Variants in CCDC187 observed in about 807,000 individuals in gnomAD.
CCDC187 encodes the protein coiled-coil domain-containing protein 187.
In CCDC187, 32 loss-of-function variants were observed where a neutral mutation model predicts 38.0. The ratio of observed to expected loss-of-function variants is 0.84; its 90% CI spans 0.64 to 1.13. The LOEUF is 1.13. Among genes scored for constraint, CCDC187 ranks in the 50% most tolerant of loss-of-function variants. CCDC187 has a pLI of 0.00. For missense variants in CCDC187, 707 were observed against 786.8 expected (o/e 0.90, Z 1.21); for synonymous variants, 333 against 347.9 (o/e 0.96, Z 0.48).
chr9:136,264,710 C>T lies in CCDC187; in HGVS notation c.3736-912G>A, dbSNP rs1369604722. On this transcript the variant is annotated intron_variant, in intron 17 of 25. Transcript: ENST00000638797. This position sits in a 1 kb window ranked among gnomAD's most constrained non-coding sequence, Gnocchi z 4.3. ...GTCAACATAAGGTCCTGCACTGACCCCATTTCCCAGCAGAGGGTCGTGGGC... is the reference window on the plus strand; with the variant it reads ...GTCAACATAAGGTCCTGCACTGACCTCATTTCCCAGCAGAGGGTCGTGGGC... Among the ~76,000 whole-genome samples, 6 of 151,936 alleles carry T rather than the reference C, an allele frequency of 3.9e-5. No homozygotes were observed. Among genetic ancestry groups the T allele is most frequent in the African/African-American group, 1.2e-4 (5 of 41,382 alleles).
intron 14 of CCDC187, among the ~76,000 whole-genome samples, chr9:136,270,467 G>A (rs977735056): frequency 1.3e-5 from 2 of 152,214 alleles, no homozygotes; most frequent in Non-Finnish European, 2.9e-5. Context: ...GTTTTCTTCT[G>A]TGTACTATAA....
At chr9:136,275,532 C>T (rs1445785518) in intron 12 of CCDC187, among the ~76,000 whole-genome samples, 2 of 152,130 alleles carry the variant, frequency 1.3e-5, no homozygotes, top group African/African-American at 4.8e-5. Flanking sequence ...TGGAGATGCC[C>T]CCCAACATGT....
Position 136,295,447 on chromosome 9 carries a change from A to C in CCDC187, c.832+2267T>G, listed in dbSNP as rs1477905785. The stretch of plus-strand genomic sequence containing the variant: ...GATTTTTAATCTGTGGAAATGGATG[A>C]AGTCCCCAAGTGCCCTGTCAAAGTT... On this transcript the variant is annotated intron_variant, in intron 4 of 25. Transcript: ENST00000638797. Among the ~76,000 whole-genome samples, 3 of 152,362 alleles carry C rather than the reference A, an allele frequency of 2.0e-5. No individual in the cohort carries two copies. In the East Asian group the frequency reaches 5.8e-4, roughly 29 times the overall value.
Position 136,285,497 on chromosome 9 carries a change from GGGCAGGT to G in CCDC187, c.2927+9_2927+15del. 6.2e-6 allele frequency: 1 copy of G among 161,584 alleles called. No homozygotes were observed. Among genetic ancestry groups the G allele is most frequent in the Non-Finnish European group, 1.1e-5 (1 of 89,286 alleles). The allele number at this position is 161,584 out of a possible 1,614,324, so 10.0% of individuals were successfully genotyped here. ...TGGGCAGGTGGGCAGGTGGGCAGGT[GGGCAGGT>G]GGTCTTACCTCCCCGCAGAGGGGCT... On this transcript the variant is annotated intron_variant, in intron 9 of 25. Coordinates refer to ENST00000638797, the MANE Select transcript of CCDC187 (RefSeq NM_001378188.1).
At chr9:136,271,606 C>CTTT (rs1272090795) in intron 14 of CCDC187, among the ~76,000 whole-genome samples, 5 of 131,176 alleles carry the variant, frequency 3.8e-5, no homozygotes, top group Non-Finnish European at 6.5e-5. Context: ...AAGAGAAAGT[C>CTTT]TTTTTTTTTT....
chr9:136,293,763 GAC>G (rs1185163040), intron 4 of CCDC187, among the ~76,000 whole-genome samples: 3 of 144,918 alleles, frequency 2.1e-5, no homozygotes, highest in Non-Finnish European at 3.0e-5. Flanking sequence ...TGTACACACT[GAC>G]ATGCTCACAC....
chr9:136,305,847 C>A (rs1831794641), upstream of CCDC187, among the ~76,000 whole-genome samples: 2 of 152,372 alleles, frequency 1.3e-5, no homozygotes, highest in South Asian at 4.1e-4. Flanking sequence ...TTCTCCTCCC[C>A]ACCTGCCCTG....
intron 9 of CCDC187, among the ~76,000 whole-genome samples, chr9:136,281,940 G>A (rs1184983484): frequency 2.6e-5 from 4 of 152,192 alleles, no homozygotes; most frequent in Middle Eastern, 3.2e-3. Context: ...GGCGTGGGCT[G>A]AGGTGAAGCC....
At chr9:136,263,464 GACCTCGTGATCC>G (rs1319005292) in intron 18 of CCDC187, among the ~76,000 whole-genome samples, 146 bp downstream of exon 18, 4 of 152,110 alleles carry the variant, frequency 2.6e-5, no homozygotes, top group Non-Finnish European at 5.9e-5. Context: ...TCCATCTCCT[GACCTCGTGATCC>G]ACCCGCCTCG....
At chr9:136,255,817 A>G in intron 24 of CCDC187, 84 bp from the exon 25 acceptor site, 1 of 665,126 alleles carries the variant, frequency 1.5e-6, no homozygotes, top group Non-Finnish European at 1.9e-6. Flanking sequence ...GGACCCCACC[A>G]GGCTCAGTCC....
chr9:136,293,111 TCA>T (rs1831376892), intron 4 of CCDC187, among the ~76,000 whole-genome samples: 2 of 145,024 alleles, frequency 1.4e-5, no homozygotes, highest in African/African-American at 5.6e-5. Flanking sequence ...CTCACATTGC[TCA>T]CACACTCACA....
At chr9:136,281,415 GA>G in intron 10 of CCDC187, 135 bp downstream of exon 10, 1 of 398,546 alleles carries the variant, frequency 2.5e-6, no homozygotes, top group Non-Finnish European at 4.4e-6. Flanking sequence ...ACGAGGCGTG[GA>G]TGCTCTCCAC....
chr9:136,260,228 C>T lies in CCDC187; in HGVS notation c.4101G>A (p.Gln1367=). Reference sequence around the variant, plus strand: ...GGTGACCATCTGCATCGGAGGTTGTCTGGGGTGGCGTCACATCCTGCTGCT... The same window carrying T: ...GGTGACCATCTGCATCGGAGGTTGTTTGGGGTGGCGTCACATCCTGCTGCT... The part of the protein sequence containing the change: ...PTEQQDVTPP[Q]TTSDADGHQQ... The change falls in exon 20 of 26, where the codon CAG becomes CAA. Residue 1367 remains glutamine (Q), a synonymous_variant. Transcript: ENST00000638797. 1 of 985,510 alleles carries T rather than the reference C, an allele frequency of 1.0e-6. No homozygotes were observed. Among genetic ancestry groups the T allele is most frequent in the Non-Finnish European group, 1.2e-6 (1 of 830,136 alleles). 61.0% of individuals were successfully genotyped at this position (985,510 alleles called of 1,614,324 possible). A position where few individuals can be genotyped will look rare whatever the true frequency, so the allele number is the denominator to read the frequency against.
At position 136,286,712 on chromosome 9, in the gene CCDC187, G is replaced by A. The variant is rs1486034702; in HGVS notation, c.2223-17C>T. The A allele has an allele frequency of 3.5e-5, 14 of 398,678 alleles. No individual in the cohort carries two copies. Among genetic ancestry groups the A allele is most frequent in the Admixed American group, 8.8e-5 (2 of 22,726 alleles). The allele number at this position is 398,678 out of a possible 1,614,324, so 24.7% of individuals were successfully genotyped here. On this transcript the variant is annotated splice_polypyrimidine_tract_variant and intron_variant, in intron 7 of 25. Coordinates refer to ENST00000638797, the MANE Select transcript of CCDC187 (RefSeq NM_001378188.1). ...AGGCAGAAGCTGCAGGAAGAGAGAC[G>A]TGGACAGATCAGCTCAGGCTCGGTC...
chr9:136,305,326 G>A (rs1044676485), upstream of CCDC187, among the ~76,000 whole-genome samples: 1 of 152,180 alleles, frequency 6.6e-6, no homozygotes, highest in East Asian at 1.9e-4. Context: ...GGGAACCAGC[G>A]GTGTGACCAC....
rs909327206 is a variant in CCDC187 at position 136,260,165 on chromosome 9, G to A, written c.4164C>T (p.His1388=). 1.9e-5 allele frequency: 19 copies of A among 985,392 alleles called. No homozygotes were observed. The highest frequency in any genetic ancestry group is 5.2e-4 in the Middle Eastern group (1 of 1,916). The allele number at this position is 985,392 out of a possible 1,614,324, so 61.0% of individuals were successfully genotyped here. ...PPRPAWGEDT[H]DPQGPLVESG... is the part of the protein sequence containing the mutation. Reference sequence around the variant, plus strand: ...TCTCCACCAGCGGGCCCTGGGGGTCGTGTGTGTCCTCGCCCCATGCTGGCC... The same window carrying A: ...TCTCCACCAGCGGGCCCTGGGGGTCATGTGTGTCCTCGCCCCATGCTGGCC... The change falls in exon 20 of 26, where the codon CAC becomes CAT. Residue 1388 remains histidine, a synonymous_variant. Transcript: ENST00000638797.
At chr9:136,265,275 A>C (rs1013452272) in intron 17 of CCDC187, among the ~76,000 whole-genome samples, 14 of 151,390 alleles carry the variant, frequency 9.2e-5, no homozygotes, top group South Asian at 2.1e-4. Context: ...TCCCCCCTCC[A>C]CATGTGCCCC....
chr9:136,289,518 CAAAAAAAAA>C lies in CCDC187; in HGVS notation c.2222+432_2222+440del, dbSNP rs878962393. Among the ~76,000 whole-genome samples the C allele has an allele frequency of 9.4e-4, 63 of 67,304 alleles. No homozygotes were observed. In the East Asian group the frequency reaches 0.024, roughly 26 times the overall value. The allele number at this position is 67,304 out of a possible 152,430, so 44.2% of individuals were successfully genotyped here. A position where few individuals can be genotyped will look rare whatever the true frequency, so the allele number is the denominator to read the frequency against. On this transcript the variant is annotated intron_variant, in intron 7 of 25. Coordinates refer to ENST00000638797, the MANE Select transcript of CCDC187 (RefSeq NM_001378188.1). Reference sequence around the variant, plus strand: ...TGGGCAACAGAGCAAAACTCCATCTCAAAAAAAAAAAAAAAAAAAAAAAAGAATAGGCAA... The same window carrying C: ...TGGGCAACAGAGCAAAACTCCATCTCAAAAAAAAAAAAAAAGAATAGGCAA...
At position 136,258,509 on chromosome 9, in the gene CCDC187, C is replaced by T. The variant is rs925899045; in HGVS notation, c.4366+423G>A. Among the ~76,000 whole-genome samples, 8 of 152,182 alleles carry T rather than the reference C, an allele frequency of 5.3e-5. No homozygotes were observed. Among genetic ancestry groups the T allele is most frequent in the Admixed American group, 3.3e-4 (5 of 15,296 alleles). Reference sequence around the variant, plus strand: ...CTGACACTGTGAGTGCATCTGCTCCCGCCCCACCTGCAAATTGGGGACTTG... The same window carrying T: ...CTGACACTGTGAGTGCATCTGCTCCTGCCCCACCTGCAAATTGGGGACTTG... On this transcript the variant is annotated intron_variant, in intron 22 of 25. Transcript: ENST00000638797. This position sits in a 1 kb window ranked among gnomAD's most constrained non-coding sequence, Gnocchi z 4.3.
Sources: allele counts gnomAD v4.1 joint callset (sites outside exome capture counted in the v4.1 genomes callset), GRCh38; gene constraint gnomAD v4.1.1; non-coding constraint Gnocchi (gnomAD v3.1); transcripts MANE v1.5; gene names NCBI Gene and HGNC (gene_info 2026-07-23, HGNC 2026-07-21).